The following UNC13C variants were observed in gnomAD, a reference collection of about 807,000 sequenced individuals.
UNC13C encodes protein unc-13 homolog C.
Under a neutral mutation model 245.4 loss-of-function variants are expected in UNC13C, and 174 were observed. That is an observed-to-expected ratio of 0.71 (90% CI 0.63 to 0.80). UNC13C has a LOEUF of 0.80. UNC13C is among the 30% of genes least tolerant of loss of function. The pLI is 0.00. For synonymous variants in UNC13C, 992 were observed against 895.1 expected (o/e 1.11, Z -1.93); for missense variants, 2,829 against 2,602.9 (o/e 1.09, Z -1.89).
chr15:54,289,727 G>T (rs937717844), intron 10 of UNC13C, among the ~76,000 whole-genome samples: 3 of 151,908 alleles, frequency 2.0e-5, no homozygotes, highest in Non-Finnish European at 4.4e-5. Context: ...GGAAAACACC[G>T]ATCAATACTT....
At chr15:53,868,190 A>C in the UNC13C span, among the ~76,000 whole-genome samples, 1 of 152,142 alleles carries the variant, frequency 6.6e-6, no homozygotes, top group East Asian at 1.9e-4. Context: ...GCTGCTCTCT[A>C]ATCCCCAGAA....
At chr15:54,229,411 A>C (rs555109579) in intron 4 of UNC13C, among the ~76,000 whole-genome samples, 2 of 152,292 alleles carry the variant, frequency 1.3e-5, no homozygotes, top group Non-Finnish European at 2.9e-5. Flanking sequence ...TGATTGCTAG[A>C]GGCTTCTATT....
At chr15:53,939,036 TA>T in the UNC13C span, among the ~76,000 whole-genome samples, 3 of 152,018 alleles carry the variant, frequency 2.0e-5, no homozygotes, top group Middle Eastern at 3.4e-3. Flanking sequence ...GAAAAACTCT[TA>T]AAAAAATCAG....
chr15:54,324,570 G>A (rs1179872283), intron 14 of UNC13C, among the ~76,000 whole-genome samples: 1 of 151,950 alleles, frequency 6.6e-6, no homozygotes, highest in African/African-American at 2.4e-5. Flanking sequence ...AGACCAATTG[G>A]ATGACAGTGA....
the UNC13C span, among the ~76,000 whole-genome samples, chr15:53,971,926 CTCTT>C: frequency 0.34 from 51,858 of 151,756 alleles, 10,531 homozygotes; most frequent in Middle Eastern, 0.49. Context: ...ATAGGTAACA[CTCTT>C]TATTTTCCTT....
intron 2 of UNC13C, among the ~76,000 whole-genome samples, chr15:54,043,424 C>G (rs1424891993): frequency 6.6e-6 from 1 of 152,184 alleles, no homozygotes; most frequent in Non-Finnish European, 1.5e-5. Context: ...TCCCAGTTCT[C>G]TTTTAGCAGC....
intron 17 of UNC13C, among the ~76,000 whole-genome samples, chr15:54,340,708 G>C (rs1567199932): frequency 6.6e-6 from 1 of 152,130 alleles, no homozygotes; most frequent in Non-Finnish European, 1.5e-5. Context: ...ATAATTTGAA[G>C]TTAGGTAATG....
At chr15:54,089,513 A>G (rs1359444903) in intron 2 of UNC13C, among the ~76,000 whole-genome samples, 1 of 152,068 alleles carries the variant, frequency 6.6e-6, no homozygotes, top group Non-Finnish European at 1.5e-5. Flanking sequence ...ACCTGTGAGT[A>G]TGTGTCTGTC....
chr15:53,998,265 G>A (rs897437079), intron 1 of UNC13C, among the ~76,000 whole-genome samples: 3 of 151,928 alleles, frequency 2.0e-5, no homozygotes, highest in African/African-American at 4.8e-5. Context: ...ATATATTAAC[G>A]TTGAATTTTT....
intron 17 of UNC13C, among the ~76,000 whole-genome samples, chr15:54,366,983 C>G (rs1032991374): frequency 3.3e-5 from 5 of 152,140 alleles, no homozygotes; most frequent in African/African-American, 1.2e-4. Context: ...CACAGGAAAA[C>G]TGGATGGCTG....
chr15:54,490,915 A>G (rs2141081825), intron 19 of UNC13C, among the ~76,000 whole-genome samples: 1 of 152,320 alleles, frequency 6.6e-6, no homozygotes, highest in Non-Finnish European at 1.5e-5. Flanking sequence ...TTCATTATTA[A>G]GTTGTTCACT....
chr15:54,013,207 C>G lies in UNC13C; in HGVS notation c.304C>G (p.Leu102Val). The stretch of plus-strand genomic sequence containing the variant: ...TTACCGAGTAGCTATTGCCAATGGC[C>G]TACAAAAGAATGCTAAAGTAACCAA... ...FSYRVAIANG[L>V]QKNAKVTNSD... Residue 102 changes from leucine to valine, a missense_variant, in exon 2 of 33, where the codon CTA becomes GTA. By Grantham distance (32) the Leu-to-Val change is conservative. Coordinates refer to ENST00000260323, the MANE Select transcript of UNC13C (RefSeq NM_001080534.3). 6.2e-7 allele frequency: 1 copy of G among 1,613,758 alleles called. No individual in the cohort carries two copies. The highest frequency in any genetic ancestry group is 8.5e-7 in the Non-Finnish European group (1 of 1,179,830).
chr15:54,511,686 G>T (rs889951335), intron 23 of UNC13C, 67 bp from the exon 24 acceptor site: 5 of 1,148,130 alleles, frequency 4.4e-6, no homozygotes, highest in Non-Finnish European at 6.3e-6. Flanking sequence ...CCACTTATAA[G>T]TTAAACTCAT....
At chr15:54,587,928 A>C (rs1201966925) in intron 30 of UNC13C, among the ~76,000 whole-genome samples, 1 of 152,236 alleles carries the variant, frequency 6.6e-6, no homozygotes, top group African/African-American at 2.4e-5. Flanking sequence ...ATAATTATTC[A>C]CTGTGCATTT....
At chr15:54,091,560 T>A (rs1352772184) in intron 2 of UNC13C, among the ~76,000 whole-genome samples, 2 of 152,204 alleles carry the variant, frequency 1.3e-5, no homozygotes, top group Non-Finnish European at 2.9e-5. Context: ...AATTTTTATA[T>A]GCTTTAAATT....
chr15:54,404,298 C>T (rs1269745555), intron 18 of UNC13C, among the ~76,000 whole-genome samples: 2 of 152,158 alleles, frequency 1.3e-5, no homozygotes, highest in Non-Finnish European at 2.9e-5. Flanking sequence ...TCCATTGTGA[C>T]TGATGAATCA....
intron 30 of UNC13C, among the ~76,000 whole-genome samples, chr15:54,617,368 G>A (rs1900509448): frequency 6.6e-6 from 1 of 152,036 alleles, no homozygotes; most frequent in Admixed American, 6.6e-5. Flanking sequence ...TGGAGGGGCA[G>A]GGAGGAGGGA....
chr15:53,873,593 A>G, the UNC13C span, among the ~76,000 whole-genome samples: 1 of 152,150 alleles, frequency 6.6e-6, no homozygotes, highest in Non-Finnish European at 1.5e-5. Flanking sequence ...CAGTCTATAT[A>G]AATATACTTC....
the UNC13C span, among the ~76,000 whole-genome samples, chr15:53,916,381 T>G: frequency 6.6e-6 from 1 of 152,210 alleles, no homozygotes; most frequent in African/African-American, 2.4e-5. Flanking sequence ...TAGCTGCATA[T>G]TCACTGAAAT....
Sources: allele counts gnomAD v4.1 joint callset (sites outside exome capture counted in the v4.1 genomes callset), GRCh38; gene constraint gnomAD v4.1.1; transcripts MANE v1.5; gene names NCBI Gene and HGNC (gene_info 2026-07-23, HGNC 2026-07-21).